FRY: variants seen among roughly 807,000 people sequenced by gnomAD.
The protein encoded by FRY is FRY microtubule binding protein.
FRY carries 128 observed loss-of-function variants against 348.4 expected under a neutral mutation model. The ratio of observed to expected loss-of-function variants is 0.37; its 90% CI spans 0.32 to 0.43. The LOEUF is 0.43. Ranked by LOEUF, FRY falls within the 20% of genes least tolerant of loss-of-function variation. FRY has a pLI of 1.00. For missense variants in FRY, 2,736 were observed against 3,695.2 expected (o/e 0.74, Z 6.73); for synonymous variants, 1,370 against 1,374.7 (o/e 1.00, Z 0.08).
intron 28 of FRY, among the ~76,000 whole-genome samples, chr13:32,191,354 G>A (rs1334157115): frequency 1.3e-5 from 2 of 152,268 alleles, no homozygotes; most frequent in Middle Eastern, 3.4e-3. Flanking sequence ...GAACAGGCTA[G>A]CCATAAAGTG....
rs1881058621 is a variant in FRY, at chr13:32,155,525, T to C, written c.1514T>C (p.Ile505Thr). Residue 505 changes from isoleucine (I) to threonine (T), a missense_variant, in exon 15 of 61, where the codon ATA (isoleucine) becomes ACA (threonine). Around this residue, in one of 9 missense-constraint regions of FRY, gnomAD observed 191 missense variants for 370.2 expected, o/e 0.52. Transcript: ENST00000542859. The part of the protein sequence containing the change: ...MNIGLRAFLV[I>T]ADSLQQKDGE... ...ATTGGTTTACGGGCATTCTTGGTCA[T>C]AGCTGATAGCTTGCAGCAGAAAGAT... The C allele has an allele frequency of 1.2e-6, 2 of 1,613,600 alleles. No homozygotes were observed. Among genetic ancestry groups the C allele is most frequent in the African/African-American group, 1.3e-5 (1 of 74,918 alleles).
At chr13:32,036,504 A>G (rs1474421044) in intron 1 of FRY, among the ~76,000 whole-genome samples, 1 of 152,114 alleles carries the variant, frequency 6.6e-6, no homozygotes, top group Non-Finnish European at 1.5e-5. Flanking sequence ...ATGCATGAAC[A>G]GTTCTTGAAT....
intron 25 of FRY, 108 bp from the exon 26 acceptor site, chr13:32,184,868 A>G: frequency 1.8e-6 from 2 of 1,120,162 alleles, no homozygotes; most frequent in Non-Finnish European, 2.7e-6. Context: ...ATAGGTTAGG[A>G]ACAACTTTAG....
chr13:32,183,129 C>T, intron 24 of FRY, 95 bp downstream of exon 24: 1 of 693,012 alleles, frequency 1.4e-6, no homozygotes, highest in Non-Finnish European at 2.6e-6. Flanking sequence ...GAATACAAAC[C>T]CCTAACACCT....
At chr13:32,263,443 A>G (rs1887771828) in intron 53 of FRY, among the ~76,000 whole-genome samples, 1 of 152,190 alleles carries the variant, frequency 6.6e-6, no homozygotes, top group South Asian at 2.1e-4. Flanking sequence ...TGAAGCTTAA[A>G]TAGTAATTAT....
chr13:32,108,507 A>G (rs538223706), intron 3 of FRY, among the ~76,000 whole-genome samples: 1 of 152,362 alleles, frequency 6.6e-6, no homozygotes, highest in Admixed American at 6.5e-5. Flanking sequence ...AGGCAAAAAT[A>G]TGACTCACAT....
chr13:32,268,823 A>C (rs7999304), intron 55 of FRY, among the ~76,000 whole-genome samples: 3 of 151,490 alleles, frequency 2.0e-5, no homozygotes, highest in Admixed American at 6.6e-5. Context: ...ATGAGCCACC[A>C]TGCCTGGCCA....
intron 23 of FRY, among the ~76,000 whole-genome samples, chr13:32,180,128 A>G (rs1292405964): frequency 6.6e-6 from 1 of 152,276 alleles, no homozygotes; most frequent in African/African-American, 2.4e-5. Flanking sequence ...CATCAAAATA[A>G]TAACAGTCTG....
Position 32,178,182 on chromosome 13 carries a change from A to G in FRY, c.2427A>G (p.Thr809=), listed in dbSNP as rs769743100. The G allele has an allele frequency of 1.4e-5, 22 of 1,614,078 alleles. No individual in the cohort carries two copies. The highest frequency in any genetic ancestry group is 1.8e-5 in the Non-Finnish European group (21 of 1,180,002). The change falls in exon 21 of 61, where the codon ACA becomes ACG. Residue 809 remains threonine, a synonymous_variant. Coordinates refer to ENST00000542859, the MANE Select transcript of FRY (RefSeq NM_023037.3). ...FIHVAVSDSA[T]LPLTHNVDLQ... The stretch of plus-strand genomic sequence containing the variant: ...CCTACCTCTTATACCTACAGGCAAC[A>G]TTACCACTCACCCACAATGTGGATC...
chr13:32,097,552 G>C (rs1020227563), intron 2 of FRY, among the ~76,000 whole-genome samples: 1 of 151,714 alleles, frequency 6.6e-6, no homozygotes, highest in Admixed American at 6.6e-5. Flanking sequence ...GTAGAGACAG[G>C]GTTTCACCAT....
At chr13:32,172,808 A>G (rs921114775) in intron 18 of FRY, among the ~76,000 whole-genome samples, 2 of 152,156 alleles carry the variant, frequency 1.3e-5, no homozygotes, top group Non-Finnish European at 2.9e-5. Context: ...ATATGCTTGT[A>G]AGGGGAAAAC....
rs749245195 is a variant in FRY at position 32,292,029 on chromosome 13, C to A, written c.8580+2286C>A. ...ATGTAGTTGCACTCTGTTGCCCAGG[C>A]TGGAGTGCAATGGCACGATCTCGGC... On this transcript the variant is annotated intron_variant, in intron 59 of 60. Coordinates refer to ENST00000542859, the MANE Select transcript of FRY (RefSeq NM_023037.3). 1.5e-5 allele frequency: 7 copies of A among 451,882 alleles called. 1 individual carries two copies. Among genetic ancestry groups the A allele is most frequent in the Non-Finnish European group, 3.1e-5 (7 of 225,538 alleles). 28.0% of individuals were successfully genotyped at this position (451,882 alleles called of 1,614,324 possible). A position where few individuals can be genotyped will look rare whatever the true frequency, so the allele number is the denominator to read the frequency against.
At chr13:32,143,098 G>A (rs1446934710) in intron 11 of FRY, among the ~76,000 whole-genome samples, 1 of 152,210 alleles carries the variant, frequency 6.6e-6, no homozygotes, top group African/African-American at 2.4e-5. Context: ...ACAAGGCAGA[G>A]GCAGGAAGTG....
chr13:32,274,482 C>A (rs150595559), intron 55 of FRY, among the ~76,000 whole-genome samples: 24 of 151,182 alleles, frequency 1.6e-4, no homozygotes, highest in Admixed American at 5.9e-4. Flanking sequence ...CCGAGGCGGG[C>A]GGATCACAAG....
At chr13:32,187,480 G>C in intron 27 of FRY, 66 bp from the exon 28 acceptor site, 1 of 908,012 alleles carries the variant, frequency 1.1e-6, no homozygotes, top group East Asian at 2.4e-5. Flanking sequence ...GGTTTATAAA[G>C]TCAGTTGGAT....
In FRY at chr13:32,187,576, G is replaced by A; in HGVS notation, c.3511G>A (p.Val1171Ile). 1 of 1,611,240 alleles carries A rather than the reference G, an allele frequency of 6.2e-7. No individual in the cohort carries two copies. Among genetic ancestry groups the A allele is most frequent in the Non-Finnish European group, 8.5e-7 (1 of 1,177,414 alleles). The stretch of plus-strand genomic sequence containing the variant: ...GTCAGCAGTACTGTGCTGTGGCCCT[G>A]TCTTTGACAATGTGGGCCTTTCCCC... ...AMSAVLCCGP[V>I]FDNVGLSPDG... Residue 1171 changes from valine to isoleucine, a missense_variant, in exon 28 of 61, where the codon GTC becomes ATC. By Grantham distance (29) the Val-to-Ile change is conservative (BLOSUM62 3). Around this residue, in one of 9 missense-constraint regions of FRY, gnomAD observed 33 missense variants for 86.7 expected, o/e 0.38. Transcript: ENST00000542859.
intron 8 of FRY, among the ~76,000 whole-genome samples, chr13:32,132,994 T>C (rs143917142): frequency 6.6e-6 from 1 of 152,228 alleles, no homozygotes; most frequent in East Asian, 1.9e-4. Flanking sequence ...GGCAAATCCA[T>C]AGAGACAGAA....
At chr13:32,110,910 A>G (rs929087404) in intron 3 of FRY, among the ~76,000 whole-genome samples, 25 of 152,212 alleles carry the variant, frequency 1.6e-4, no homozygotes, top group Non-Finnish European at 2.9e-4. Context: ...TCAGATCCTT[A>G]TTGTCACAGA....
At chr13:32,047,588 G>GC (rs953781814) in intron 1 of FRY, among the ~76,000 whole-genome samples, 3 of 148,302 alleles carry the variant, frequency 2.0e-5, no homozygotes, top group South Asian at 4.4e-4. Context: ...TTTTGGGGGG[G>GC]GTGCAGAGTT....
Sources: gnomAD v4.1 joint callset for allele counts (sites outside exome capture counted in the v4.1 genomes callset) on GRCh38, gnomAD v4.1.1 for gene constraint, gnomAD v4.1.1 regional missense constraint, MANE v1.5 for transcripts, NCBI Gene and HGNC (gene_info 2026-07-23, HGNC 2026-07-21) for gene names.